Variants in PLGRKT observed in about 807,000 individuals in gnomAD.
PLGRKT encodes the protein plasminogen receptor (KT).
PLGRKT carries 22 observed loss-of-function variants against 18.5 expected under a neutral mutation model. The ratio of observed to expected loss-of-function variants is 1.19; its 90% CI spans 0.85 to 1.70. The LOEUF (loss-of-function observed/expected upper bound fraction) is 1.70, where lower values mean the gene tolerates loss of function less well. Ranked by LOEUF, PLGRKT falls within the 40% of genes most tolerant of loss-of-function variation. The pLI is 0.00. For missense variants in PLGRKT, 235 were observed against 174.4 expected (o/e 1.35, Z -1.96); for synonymous variants, 72 against 52.8 (o/e 1.36, Z -1.58).
intron 3 of PLGRKT, among the ~76,000 whole-genome samples, chr9:5,416,072 T>C (rs1476911294): frequency 1.3e-5 from 2 of 152,162 alleles, no homozygotes; most frequent in African/African-American, 2.4e-5. Flanking sequence ...AAGGATATAC[T>C]TGAACTCTCC....
chr9:5,434,142 G>A (rs570382480), intron 2 of PLGRKT, among the ~76,000 whole-genome samples: 5 of 146,046 alleles, frequency 3.4e-5, no homozygotes, highest in South Asian at 2.2e-4. Flanking sequence ...CTGCCCCGCC[G>A]CCACCCCGTC....
At position 5,437,827 on chromosome 9, in the gene PLGRKT, A is replaced by C. The variant is rs1208226676; in HGVS notation, c.-171T>G. 6.6e-6 allele frequency: 1 copy of C among 152,278 alleles called. No individual in the cohort carries two copies. The highest frequency in any genetic ancestry group is 1.5e-5 in the Non-Finnish European group (1 of 68,082). The allele number at this position is 152,278 out of a possible 1,614,324, so 9.4% of individuals were successfully genotyped here. A position where few individuals can be genotyped will look rare whatever the true frequency, so the allele number is the denominator to read the frequency against. ...TGCCGGGACCAGGCGACCGGTACGC[A>C]AACCTCCAGGCCCGGGCTCCTTTCG... On this transcript the variant is annotated 5_prime_UTR_variant, in exon 1 of 6. Transcript: ENST00000223864.
intron 3 of PLGRKT, among the ~76,000 whole-genome samples, chr9:5,383,750 C>A (rs1462417930): frequency 6.6e-6 from 1 of 152,186 alleles, no homozygotes; most frequent in Non-Finnish European, 1.5e-5. Context: ...TGCCCTTGAT[C>A]TGGCAGGAGG....
chr9:5,368,157 G>A (rs985581963), intron 3 of PLGRKT, among the ~76,000 whole-genome samples: 6 of 152,310 alleles, frequency 3.9e-5, no homozygotes, highest in Middle Eastern at 3.4e-3. Flanking sequence ...TTCAGTCACT[G>A]TGGAAAGCAG....
At chr9:5,421,118 GA>G (rs1417596188) in intron 3 of PLGRKT, among the ~76,000 whole-genome samples, 2 of 152,152 alleles carry the variant, frequency 1.3e-5, no homozygotes, top group African/African-American at 2.4e-5. Flanking sequence ...TACAAGGCTT[GA>G]GCGACCTCTG....
chr9:5,413,897 T>A (rs2131148777), intron 3 of PLGRKT, among the ~76,000 whole-genome samples: 1 of 152,188 alleles, frequency 6.6e-6, no homozygotes, highest in Admixed American at 6.5e-5. Flanking sequence ...TGATTTGGAG[T>A]GGTTTCCAGG....
At chr9:5,374,770 T>C (rs1377581177) in intron 3 of PLGRKT, among the ~76,000 whole-genome samples, 1 of 152,262 alleles carries the variant, frequency 6.6e-6, no homozygotes, top group South Asian at 2.1e-4. Flanking sequence ...GTATTCATTT[T>C]TAGTTATCCA....
At chr9:5,404,942 A>C (rs1818227420) in intron 3 of PLGRKT, among the ~76,000 whole-genome samples, 1 of 152,162 alleles carries the variant, frequency 6.6e-6, no homozygotes, top group African/African-American at 2.4e-5. Flanking sequence ...TGAGGATGCA[A>C]AATCAATGTG....
At chr9:5,386,418 A>T (rs188954828) in intron 3 of PLGRKT, among the ~76,000 whole-genome samples, 1 of 151,876 alleles carries the variant, frequency 6.6e-6, no homozygotes, top group African/African-American at 2.4e-5. Context: ...GATTGTCACA[A>T]TTGAAGTATG....
intron 4 of PLGRKT, among the ~76,000 whole-genome samples, chr9:5,361,414 G>T (rs995746583): frequency 1.3e-5 from 2 of 152,120 alleles, no homozygotes; most frequent in African/African-American, 4.8e-5. Context: ...ATCTTTATTT[G>T]ACTCTGAAGC....
chr9:5,359,663 T>C (rs989775070), intron 5 of PLGRKT, among the ~76,000 whole-genome samples: 6 of 152,216 alleles, frequency 3.9e-5, no homozygotes, highest in Non-Finnish European at 8.8e-5. Context: ...AAAAAAACTA[T>C]AATCTACATT....
At chr9:5,399,535 T>C (rs1254130683) in intron 3 of PLGRKT, among the ~76,000 whole-genome samples, 1 of 151,896 alleles carries the variant, frequency 6.6e-6, no homozygotes, top group African/African-American at 2.4e-5. Context: ...TAATGTTATA[T>C]TTATTAAAGG....
At chr9:5,375,313 T>C (rs2131083037) in intron 3 of PLGRKT, among the ~76,000 whole-genome samples, 1 of 152,092 alleles carries the variant, frequency 6.6e-6, no homozygotes, top group Non-Finnish European at 1.5e-5. Context: ...GGGCCCCAGG[T>C]ATGTGTGGGG....
At chr9:5,425,097 T>A (rs1320984379) in intron 3 of PLGRKT, among the ~76,000 whole-genome samples, 2 of 152,186 alleles carry the variant, frequency 1.3e-5, no homozygotes, top group African/African-American at 4.8e-5. Flanking sequence ...CAGCTAATCT[T>A]TACATTGACC....
chr9:5,394,649 G>T (rs958494761), intron 3 of PLGRKT, among the ~76,000 whole-genome samples: 2 of 151,862 alleles, frequency 1.3e-5, no homozygotes, highest in South Asian at 4.1e-4. Flanking sequence ...CTGACCTCAG[G>T]TGATCCACCT....
chr9:5,429,662 G>A (rs897895871), intron 3 of PLGRKT, among the ~76,000 whole-genome samples: 2 of 152,050 alleles, frequency 1.3e-5, no homozygotes, highest in African/African-American at 4.8e-5. Context: ...CACTGAATTG[G>A]GGCCCATTCT....
chr9:5,425,674 G>A lies in PLGRKT; in HGVS notation c.81+6223C>T, dbSNP rs146404857. Among the ~76,000 whole-genome samples, 296 of 151,806 alleles carry A rather than the reference G, an allele frequency of 1.9e-3. 5 individuals carry two copies. The highest frequency in any genetic ancestry group is 7.0e-3 in the African/African-American group (289 of 41,360). ...AGATTAAAATAACAACTCTGTGAAG[G>A]TCTGAGGTGGGACCCAAACATTCAA... On this transcript the variant is annotated intron_variant, in intron 3 of 5. Transcript: ENST00000223864.
At chr9:5,372,068 G>A (rs986617548) in intron 3 of PLGRKT, among the ~76,000 whole-genome samples, 8 of 138,482 alleles carry the variant, frequency 5.8e-5, no homozygotes, top group Non-Finnish European at 9.0e-5. Context: ...TGCAACTTCC[G>A]CCTCTTGGGT....
At chr9:5,376,346 G>C (rs1273608079) in intron 3 of PLGRKT, among the ~76,000 whole-genome samples, 2 of 152,184 alleles carry the variant, frequency 1.3e-5, no homozygotes, top group African/African-American at 2.4e-5. Flanking sequence ...CAACCAGACT[G>C]TCTGCATTTG....
Sources: gnomAD v4.1 joint callset for allele counts (sites outside exome capture counted in the v4.1 genomes callset) on GRCh38, gnomAD v4.1.1 for gene constraint, MANE v1.5 for transcripts, NCBI Gene and HGNC (gene_info 2026-07-23, HGNC 2026-07-21) for gene names.